BPHL: variants seen among roughly 807,000 people sequenced by gnomAD.
The protein encoded by BPHL is serine hydrolase BPHL.
Under a neutral mutation model 31.2 loss-of-function variants are expected in BPHL, and 27 were observed. That is an observed-to-expected ratio of 0.87 (90% confidence interval 0.64 to 1.19). BPHL has a LOEUF of 1.19. BPHL is among the 50% of genes most tolerant of loss of function. The probability of loss-of-function intolerance (pLI) is 0.00; values close to 1 mark genes in which losing one functional copy is unlikely to be tolerated. For missense variants in BPHL, 356 were observed against 375.7 expected, an observed-to-expected ratio of 0.95 and a Z score of 0.43; for synonymous variants, 150 against 146.8, an observed-to-expected ratio of 1.02 and a Z score of -0.16.
At chr6:3,137,620 G>T (rs960631706) in intron 5 of BPHL, 127 bp downstream of exon 5, 5 of 1,357,938 alleles carry the variant, frequency 3.7e-6, no homozygotes, top group African/African-American at 1.5e-5. Flanking sequence ...TGTGTGAGCA[G>T]AACAGAGAAT....
intron 3 of BPHL, among the ~76,000 whole-genome samples, chr6:3,128,536 C>T (rs368043918): frequency 1.2e-4 from 19 of 152,284 alleles, no homozygotes; most frequent in African/African-American, 3.6e-4. Context: ...CTGATTCACC[C>T]GCGGACTCAC....
intron 6 of BPHL, among the ~76,000 whole-genome samples, chr6:3,141,330 C>T (rs1015148286): frequency 6.6e-6 from 1 of 152,012 alleles, no homozygotes; most frequent in African/African-American, 2.4e-5. Flanking sequence ...GGGAGTTAGG[C>T]AGGATTATAC....
intron 4 of BPHL, among the ~76,000 whole-genome samples, chr6:3,134,663 C>T (rs1032017331): frequency 7.5e-4 from 111 of 147,194 alleles, no homozygotes; most frequent in African/African-American, 2.8e-3. Context: ...TGCGCAGTGG[C>T]GTGATCTCGG....
At chr6:3,124,176 T>C (rs1383558918) in intron 2 of BPHL, 2 of 152,476 alleles carry the variant, frequency 1.3e-5, no homozygotes, top group African/African-American at 4.8e-5. Flanking sequence ...TTGTTGTGGT[T>C]GATAATATAT....
At chr6:3,119,212 A>G (rs1761489414) in intron 1 of BPHL, 3 of 1,373,002 alleles carry the variant, frequency 2.2e-6, no homozygotes, top group Non-Finnish European at 3.0e-6. Flanking sequence ...CAACGCCCTC[A>G]TTAGTCCATT....
chr6:3,137,221 G>A (rs1024579231), intron 4 of BPHL, 141 bp from the exon 5 acceptor site: 11 of 1,125,024 alleles, frequency 9.8e-6, no homozygotes, highest in Middle Eastern at 2.8e-4. Context: ...GGGCTAAGCC[G>A]AGCAGAGGGA....
At chr6:3,124,793 T>C (rs1036150472) in intron 2 of BPHL, among the ~76,000 whole-genome samples, 1 of 152,190 alleles carries the variant, frequency 6.6e-6, no homozygotes, top group Non-Finnish European at 1.5e-5. Context: ...TGTACTTATT[T>C]CTTTGTGATT....
chr6:3,132,202 C>G (rs953584257), intron 4 of BPHL, among the ~76,000 whole-genome samples: 1 of 152,222 alleles, frequency 6.6e-6, no homozygotes, highest in South Asian at 2.1e-4. Context: ...ACCAAGCCCC[C>G]ACCACGCACC....
chr6:3,128,363 G>A (rs1219727311), intron 3 of BPHL, among the ~76,000 whole-genome samples: 2 of 152,200 alleles, frequency 1.3e-5, no homozygotes, highest in African/African-American at 4.8e-5. Context: ...GCAGGATAGT[G>A]CCACAGTAGT....
rs1561802716 is a variant in BPHL, at chr6:3,149,112, A to G, written c.789-3376A>G. On this transcript the variant is annotated intron_variant, in intron 6 of 6. Coordinates refer to ENST00000380379, the MANE Select transcript of BPHL (RefSeq NM_004332.4). This position sits in a 1 kb window ranked among gnomAD's most constrained non-coding sequence, Gnocchi z 4.6. ...ATGATTCTATGGGGTAGATTCTATT[A>G]CTGTCCGCATTTTCCAGATGAGGAA... 6.6e-6 allele frequency among the ~76,000 whole-genome samples: 1 copy of G among 152,170 alleles called. No individual in the cohort carries two copies. The highest frequency in any genetic ancestry group is 1.5e-5 in the Non-Finnish European group (1 of 68,020).
intron 1 of BPHL, among the ~76,000 whole-genome samples, chr6:3,122,784 C>T (rs529736711): frequency 1.7e-4 from 26 of 152,296 alleles, no homozygotes; most frequent in African/African-American, 6.0e-4. Context: ...AGGATTTATC[C>T]GTGCAGATGG....
At chr6:3,146,056 T>G (rs371931145) in intron 6 of BPHL, among the ~76,000 whole-genome samples, 21 of 20,478 alleles carry the variant, frequency 1.0e-3, no homozygotes, top group Admixed American at 1.4e-3. Flanking sequence ...CTGGTTCGGG[T>G]TGGAGTGCTG....
At chr6:3,145,682 T>G (rs533694650) in intron 6 of BPHL, among the ~76,000 whole-genome samples, 450 of 40,768 alleles carry the variant, frequency 0.011, 134 homozygotes, top group Non-Finnish European at 0.019. Flanking sequence ...AGTGCTGGTT[T>G]GGGTCGAGTG....
Position 3,152,631 on chromosome 6 carries a change from C to A in BPHL, c.*56C>A. 2.0e-6 allele frequency: 3 copies of A among 1,484,456 alleles called. No homozygotes were observed. Among genetic ancestry groups the A allele is most frequent in the Middle Eastern group, 3.5e-4 (2 of 5,752 alleles). 92.0% of individuals were successfully genotyped at this position (1,484,456 alleles called of 1,614,324 possible). A position where few individuals can be genotyped will look rare whatever the true frequency, so the allele number is the denominator to read the frequency against. On this transcript the variant is annotated 3_prime_UTR_variant, in exon 7 of 7. Coordinates refer to ENST00000380379, the MANE Select transcript of BPHL (RefSeq NM_004332.4). ...CGTGTGGGGCTTGATCGTGTTGCTG[C>A]CTGTTAACATGATGCCTTTGAAACT...
intron 2 of BPHL, among the ~76,000 whole-genome samples, chr6:3,124,989 T>C (rs1279986401): frequency 6.6e-6 from 1 of 152,170 alleles, no homozygotes; most frequent in East Asian, 1.9e-4. Context: ...TTGCCTATCT[T>C]AGCTTTCCAT....
At chr6:3,119,607 T>C (rs1761503628) in intron 1 of BPHL, 2 of 1,509,856 alleles carry the variant, frequency 1.3e-6, no homozygotes, top group South Asian at 1.2e-5. Context: ...GAAATGTGGA[T>C]AGAGCGGCAT....
At chr6:3,141,512 T>A (rs527327112) in intron 6 of BPHL, among the ~76,000 whole-genome samples, 78 of 152,202 alleles carry the variant, frequency 5.1e-4, no homozygotes, top group African/African-American at 1.8e-3. Context: ...GGATTACAGG[T>A]GTGCGCCACC....
intron 3 of BPHL, among the ~76,000 whole-genome samples, chr6:3,128,796 T>G (rs1169935444): frequency 6.6e-6 from 1 of 152,250 alleles, no homozygotes; most frequent in African/African-American, 2.4e-5. Context: ...GAGCTTTTTA[T>G]CCAACCAGAA....
intron 4 of BPHL, among the ~76,000 whole-genome samples, chr6:3,132,780 G>A (rs2113757807): frequency 6.6e-6 from 1 of 152,282 alleles, no homozygotes; most frequent in South Asian, 2.1e-4. Flanking sequence ...GCCGTGATCT[G>A]TGATTACACC....
Sources: gnomAD v4.1 joint callset for allele counts (sites outside exome capture counted in the v4.1 genomes callset) on GRCh38, gnomAD v4.1.1 for gene constraint, Gnocchi (gnomAD v3.1) non-coding constraint, MANE v1.5 for transcripts, NCBI Gene and HGNC (gene_info 2026-07-23, HGNC 2026-07-21) for gene names.